Variants in TAS2R1 observed in about 807,000 individuals in gnomAD.
TAS2R1 encodes the protein taste receptor type 2 member 1.
For missense variants in TAS2R1, 370 were observed against 353.4 expected (o/e 1.05, Z -0.38); for synonymous variants, 141 against 134.2 (o/e 1.05, Z -0.35).
chr5:9,898,672 T>C, the TAS2R1 span, among the ~76,000 whole-genome samples: 8 of 152,098 alleles, frequency 5.3e-5, no homozygotes, highest in Non-Finnish European at 1.2e-4. Context: ...GTCCCTTGCA[T>C]GATCAGGACA....
At chr5:9,875,771 G>T in the TAS2R1 span, among the ~76,000 whole-genome samples, 1 of 152,182 alleles carries the variant, frequency 6.6e-6, no homozygotes. Context: ...CTCCGAGTAG[G>T]TTAGAAGCAG....
the TAS2R1 span, among the ~76,000 whole-genome samples, chr5:9,852,656 C>T: frequency 6.6e-6 from 1 of 152,144 alleles, no homozygotes; most frequent in Non-Finnish European, 1.5e-5. Flanking sequence ...AGATGTAATA[C>T]ATAGCAAGAC....
chr5:9,634,807 C>T (rs1347115515), upstream of TAS2R1, among the ~76,000 whole-genome samples: 2 of 152,020 alleles, frequency 1.3e-5, no homozygotes, highest in East Asian at 3.9e-4. Context: ...TATCCTGAAA[C>T]TTTACTGAAT....
intron 2 of TAS2R1, among the ~76,000 whole-genome samples, chr5:9,651,583 T>A (rs1480673194): frequency 1.3e-5 from 2 of 152,202 alleles, no homozygotes; most frequent in Non-Finnish European, 2.9e-5. Context: ...CCATAACAGA[T>A]TTTAAAGCTT....
chr5:9,710,896 C>CAT (rs56211334), intron 1 of TAS2R1, among the ~76,000 whole-genome samples: 86,513 of 143,966 alleles, frequency 0.6, 26,687 homozygotes, highest in African/African-American at 0.75. Context: ...CACACACACA[C>CAT]ATATATATAT....
intron 1 of TAS2R1, among the ~76,000 whole-genome samples, chr5:9,669,302 C>T (rs144060653): frequency 2.7e-4 from 41 of 152,268 alleles, no homozygotes; most frequent in African/African-American, 8.9e-4. Flanking sequence ...GATAACCATA[C>T]GATAATAGTG....
chr5:9,690,102 A>G (rs556297759), intron 1 of TAS2R1, among the ~76,000 whole-genome samples: 1 of 152,346 alleles, frequency 6.6e-6, no homozygotes, highest in African/African-American at 2.4e-5. Context: ...AAACCTAAAA[A>G]CGTGACTAGA....
chr5:9,641,105 G>C (rs1193101535), intron 2 of TAS2R1, among the ~76,000 whole-genome samples: 1 of 152,142 alleles, frequency 6.6e-6, no homozygotes, highest in Non-Finnish European at 1.5e-5. Flanking sequence ...CTGAGTCTAG[G>C]ATAGCAATAC....
chr5:9,851,244 G>T, the TAS2R1 span, among the ~76,000 whole-genome samples: 3 of 152,168 alleles, frequency 2.0e-5, no homozygotes, highest in Non-Finnish European at 2.9e-5. Flanking sequence ...TTGCAGTAAT[G>T]TCAGAATCGA....
chr5:9,665,528 T>A (rs1029313294), intron 1 of TAS2R1, among the ~76,000 whole-genome samples: 2 of 152,214 alleles, frequency 1.3e-5, no homozygotes, highest in African/African-American at 4.8e-5. Flanking sequence ...CAAATTTGTT[T>A]TAGTCTTTGT....
rs558515119 is a variant in TAS2R1, at chr5:9,664,503, C to T, written c.-241-4922G>A. 9.2e-5 allele frequency among the ~76,000 whole-genome samples: 14 copies of T among 152,296 alleles called. 1 individual carries two copies. The South Asian group carries it at 2.5e-3, about 27-fold the overall frequency. On this transcript the variant is annotated intron_variant, in intron 1 of 2. Coordinates refer to the TAS2R1 transcript ENST00000506620. The stretch of plus-strand genomic sequence containing the variant: ...ATAAACCACGGTATATATTCCATAA[C>T]GATTTCCATTTTCTTTGCTCCTGTT...
intron 2 of TAS2R1, among the ~76,000 whole-genome samples, chr5:9,653,825 C>T (rs1184334450): frequency 6.6e-6 from 1 of 152,166 alleles, no homozygotes; most frequent in East Asian, 1.9e-4. Flanking sequence ...AAATATTCAA[C>T]ATCTACTGTT....
At chr5:9,750,068 A>T in the TAS2R1 span, among the ~76,000 whole-genome samples, 186 of 152,238 alleles carry the variant, frequency 1.2e-3, no homozygotes, top group Non-Finnish European at 2.0e-3. Flanking sequence ...CTGGCTTCTC[A>T]TTCGATTTGA....
the TAS2R1 span, among the ~76,000 whole-genome samples, chr5:9,887,370 A>G: frequency 6.6e-6 from 1 of 152,176 alleles, no homozygotes; most frequent in Non-Finnish European, 1.5e-5. Flanking sequence ...ACTTTCAAAT[A>G]TATCTCACAT....
upstream of TAS2R1, among the ~76,000 whole-genome samples, chr5:9,632,829 T>A (rs977025189): frequency 6.6e-6 from 1 of 152,080 alleles, no homozygotes; most frequent in Non-Finnish European, 1.5e-5. Context: ...CTTGAACCCC[T>A]CCAAGTCATC....
intron 1 of TAS2R1, among the ~76,000 whole-genome samples, chr5:9,672,121 A>G (rs962515418): frequency 6.6e-6 from 1 of 152,180 alleles, no homozygotes; most frequent in South Asian, 2.1e-4. Flanking sequence ...CCTTCCTTAC[A>G]TCATATACAA....
the TAS2R1 span, among the ~76,000 whole-genome samples, chr5:9,816,788 A>C: frequency 6.6e-6 from 1 of 152,218 alleles, no homozygotes. Context: ...ATAATAGTAT[A>C]ACTGATCATT....
rs188931508 is a variant in TAS2R1 at position 9,629,057 on chromosome 5, G to T, written c.*76C>A. On this transcript the variant is annotated 3_prime_UTR_variant, in exon 1 of 1. Transcript: ENST00000382492. ...TGTATATTTATGAACAGGCTGCTTT[G>T]TCTGGCTGAGGGAAGTGTGGCAGGC... 39 of 1,438,150 alleles carry T rather than the reference G, an allele frequency of 2.7e-5. No individual in the cohort carries two copies. Among genetic ancestry groups the T allele is most frequent in the Non-Finnish European group, 3.5e-5 (38 of 1,078,074 alleles). 89.1% of individuals were successfully genotyped at this position (1,438,150 alleles called of 1,614,324 possible).
the TAS2R1 span, among the ~76,000 whole-genome samples, chr5:9,745,349 T>C: frequency 0.27 from 40,821 of 152,048 alleles, 5,838 homozygotes; most frequent in Middle Eastern, 0.41. Flanking sequence ...GGACATAATA[T>C]AATAAGTTGA....
Sources: gnomAD v4.1 joint callset for allele counts (sites outside exome capture counted in the v4.1 genomes callset) on GRCh38, gnomAD v4.1.1 for gene constraint, MANE v1.5 for transcripts, NCBI Gene and HGNC (gene_info 2026-07-23, HGNC 2026-07-21) for gene names.